The following BTNL9 variants were observed in gnomAD, a reference collection of about 807,000 sequenced individuals.
BTNL9 encodes the protein butyrophilin like 9, also known as butyrophilin-like protein 9.
A neutral mutation model predicts 45.8 loss-of-function variants in BTNL9; 45 were observed. The ratio of observed to expected loss-of-function variants is 0.98; its 90% CI spans 0.77 to 1.26. The LOEUF is 1.26. Ranked by LOEUF, BTNL9 falls within the 50% of genes most tolerant of loss-of-function variation. The pLI is 0.00. For missense variants in BTNL9, 784 were observed against 729.7 expected (o/e 1.07, Z -0.86); for synonymous variants, 346 against 330.8 (o/e 1.05, Z -0.50).
Position 181,053,742 on chromosome 5 carries a change from G to A in BTNL9, c.886+241G>A, listed in dbSNP as rs1761713021. 2.6e-6 allele frequency: 4 copies of A among 1,513,260 alleles called. No homozygotes were observed. In the Admixed American group the frequency reaches 6.2e-5, roughly 23 times the overall value. The allele number at this position is 1,513,260 out of a possible 1,614,324, so 93.7% of individuals were successfully genotyped here. On this transcript the variant is annotated intron_variant, in intron 6 of 10. Coordinates refer to ENST00000327705, the MANE Select transcript of BTNL9 (RefSeq NM_152547.5). This position sits in a 1 kb window ranked among gnomAD's most constrained non-coding sequence, Gnocchi z 6.5. ...AGTGCACAGATGTCAGGGTTGACCG[G>A]CTGCTGTCGTTACGCCCTCGGAGCT... is the stretch of plus-strand genomic sequence containing the variant.
chr5:181,053,336 G>A lies in BTNL9; in HGVS notation c.853+20G>A. 6 of 1,523,928 alleles carry A rather than the reference G, an allele frequency of 3.9e-6. No homozygotes were observed. The highest frequency in any genetic ancestry group is 5.3e-6 in the Non-Finnish European group (6 of 1,135,898). 94.4% of individuals were successfully genotyped at this position (1,523,928 alleles called of 1,614,324 possible). A position where few individuals can be genotyped will look rare whatever the true frequency, so the allele number is the denominator to read the frequency against. On this transcript the variant is annotated intron_variant, in intron 5 of 10. Coordinates refer to ENST00000327705, the MANE Select transcript of BTNL9 (RefSeq NM_152547.5). The surrounding 1 kb of genome is among the most constrained non-coding windows in gnomAD (Gnocchi z 6.5). ...GCCGAGGTACCGGCGCGGGCGGCGG[G>A]GCGGGGAGGGGCACCGGCCGGTGCT...
At position 181,042,767 on chromosome 5, in the gene BTNL9, C is replaced by T. The variant is rs78056913; in HGVS notation, c.-24+2335C>T. ...TTTAAATTTTGTATTCATTAGTTGGCTGGTTGGCTGGTTTTGTGGCTGGCA... is the reference window on the plus strand; with the variant it reads ...TTTAAATTTTGTATTCATTAGTTGGTTGGTTGGCTGGTTTTGTGGCTGGCA... On this transcript the variant is annotated intron_variant, in intron 1 of 10. Transcript: ENST00000327705. This position sits in a 1 kb window ranked among gnomAD's most constrained non-coding sequence, Gnocchi z 4.5. Among the ~76,000 whole-genome samples the T allele has an allele frequency of 0.015, 2,232 of 152,224 alleles. 57 individuals are homozygous for T. Among genetic ancestry groups the T allele is most frequent in the African/African-American group, 0.051 (2,112 of 41,514 alleles).
chr5:181,048,784 A>C (rs1561978892), intron 3 of BTNL9, among the ~76,000 whole-genome samples: 1 of 102,040 alleles, frequency 9.8e-6, no homozygotes, highest in African/African-American at 4.0e-5. Flanking sequence ...GCTATATATT[A>C]ATTATATAGT....
At chr5:181,052,948 A>T in intron 4 of BTNL9, 1 of 130,684 alleles carries the variant, frequency 7.7e-6, no homozygotes, top group Non-Finnish European at 1.6e-5. Context: ...CTGCGGCCGC[A>T]GAAGCCTCGA....
intron 2 of BTNL9, among the ~76,000 whole-genome samples, chr5:181,046,683 G>A (rs559675507): frequency 4.7e-5 from 7 of 150,014 alleles, no homozygotes; most frequent in African/African-American, 7.4e-5. Flanking sequence ...GAGAGAGAGC[G>A]AGAGAGAGAG....
chr5:181,059,161 G>A lies in BTNL9; in HGVS notation c.983-76G>A, dbSNP rs1400732835. 3 of 1,413,788 alleles carry A rather than the reference G, an allele frequency of 2.1e-6. No individual in the cohort carries two copies. In the East Asian group the frequency reaches 8.6e-5, roughly 41 times the overall value. The allele number at this position is 1,413,788 out of a possible 1,614,324, so 87.6% of individuals were successfully genotyped here. ...ATTATTCCACCAAGAGAAACGAGAGGTTTGTCCGCCTTGGGGAAGACACGG... is the reference window on the plus strand; with the variant it reads ...ATTATTCCACCAAGAGAAACGAGAGATTTGTCCGCCTTGGGGAAGACACGG... On this transcript the variant is annotated intron_variant, in intron 10 of 10. Transcript: ENST00000327705.
intron 4 of BTNL9, among the ~76,000 whole-genome samples, chr5:181,051,637 GCTCT>G (rs776238493): frequency 7.9e-5 from 12 of 152,138 alleles, no homozygotes; most frequent in Non-Finnish European, 1.3e-4. Flanking sequence ...CCACGGCAGT[GCTCT>G]CTCTTTTATG....
chr5:181,055,120 A>G lies in BTNL9; in HGVS notation c.908-313A>G, dbSNP rs1193769929. 1 of 1,162,758 alleles carries G rather than the reference A, an allele frequency of 8.6e-7. No homozygotes were observed. Among genetic ancestry groups the G allele is most frequent in the Non-Finnish European group, 1.1e-6 (1 of 942,248 alleles). 72.0% of individuals were successfully genotyped at this position (1,162,758 alleles called of 1,614,324 possible). ...ACTTAGGCGGGAGCTCCGCCCCAGG[A>G]AGCTTGTGATTTCAGGCAGAAGGAA... On this transcript the variant is annotated intron_variant, in intron 7 of 10. Transcript: ENST00000327705. This position sits in a 1 kb window ranked among gnomAD's most constrained non-coding sequence, Gnocchi z 4.4.
chr5:181,053,162 G>T lies in BTNL9; in HGVS notation c.737-38G>T. On this transcript the variant is annotated intron_variant, in intron 4 of 10. Transcript: ENST00000327705. This position sits in a 1 kb window ranked among gnomAD's most constrained non-coding sequence, Gnocchi z 6.5. ...CGGTCTCGCCTCTCGGTGCTCAGCGGCGCCTGGACCGACACGGCCCCCGCG... is the reference window on the plus strand; with the variant it reads ...CGGTCTCGCCTCTCGGTGCTCAGCGTCGCCTGGACCGACACGGCCCCCGCG... 1.3e-6 allele frequency: 2 copies of T among 1,526,212 alleles called. No homozygotes were observed. The highest frequency in any genetic ancestry group is 8.9e-7 in the Non-Finnish European group (1 of 1,127,188). 94.5% of individuals were successfully genotyped at this position (1,526,212 alleles called of 1,614,324 possible).
At chr5:181,048,412 G>T in intron 3 of BTNL9, 141 bp downstream of exon 3, 1 of 792,830 alleles carries the variant, frequency 1.3e-6, no homozygotes, top group South Asian at 2.0e-5. Context: ...ATTCTCAAAT[G>T]AACAAACAAA....
chr5:181,044,947 A>G (rs1405563474), intron 1 of BTNL9, among the ~76,000 whole-genome samples: 1 of 152,140 alleles, frequency 6.6e-6, no homozygotes, highest in African/African-American at 2.4e-5. Context: ...AGCCACCTGC[A>G]TGCACTCCAC....
At position 181,059,253 on chromosome 5, in the gene BTNL9, C is replaced by A; in HGVS notation, c.999C>A (p.Asp333Glu). Residue 333 changes from aspartate (D) to glutamate (E), a missense_variant, in exon 11 of 11, where the codon GAC (aspartate) becomes GAA (glutamate). Coordinates refer to ENST00000327705, the MANE Select transcript of BTNL9 (RefSeq NM_152547.5). ...AQKYAVDVTL[D>E]PASAHPSLEV... is the part of the protein sequence containing the mutation. ...TCTGCGCAGTGGATGTGACGCTGGA[C>A]CCGGCCTCGGCGCACCCCAGCCTGG... The A allele has an allele frequency of 6.4e-7, 1 of 1,562,388 alleles. No individual in the cohort carries two copies. Among genetic ancestry groups the A allele is most frequent in the Non-Finnish European group, 8.6e-7 (1 of 1,163,648 alleles).
intron 10 of BTNL9, among the ~76,000 whole-genome samples, chr5:181,058,701 C>G (rs1762005517): frequency 6.6e-6 from 1 of 151,988 alleles, no homozygotes; most frequent in Non-Finnish European, 1.5e-5. Flanking sequence ...GAAGGGGTCC[C>G]CTAGGTTCCC....
chr5:181,052,604 G>C (rs569463006), intron 4 of BTNL9, among the ~76,000 whole-genome samples: 1 of 152,230 alleles, frequency 6.6e-6, no homozygotes, highest in East Asian at 1.9e-4. Flanking sequence ...GGTTTGCGAA[G>C]GGCCGGTGGG....
In BTNL9 at chr5:181,055,821, A is replaced by G. The variant is rs1400002868; in HGVS notation, c.929-168A>G. The G allele has an allele frequency of 1.3e-6, 1 of 792,486 alleles. No individual in the cohort carries two copies. Among genetic ancestry groups the G allele is most frequent in the Non-Finnish European group, 2.3e-6 (1 of 438,858 alleles). The allele number at this position is 792,486 out of a possible 1,614,324, so 49.1% of individuals were successfully genotyped here. The stretch of plus-strand genomic sequence containing the variant: ...TTCATCATTTTGCATCTGATTCCCC[A>G]TATATCTTCTTCTCATCTCCCAACC... On this transcript the variant is annotated intron_variant, in intron 8 of 10. Transcript: ENST00000327705. The surrounding 1 kb of genome is among the most constrained non-coding windows in gnomAD (Gnocchi z 4.4).
At chr5:181,054,134 A>T in intron 6 of BTNL9, 105 bp from the exon 7 acceptor site, 1 of 1,571,612 alleles carries the variant, frequency 6.4e-7, no homozygotes, top group Non-Finnish European at 8.6e-7. Flanking sequence ...GGAGTGCCGC[A>T]TCGGAGGTGA....
chr5:181,052,218 GAC>G (rs1002053199), intron 4 of BTNL9, among the ~76,000 whole-genome samples: 10 of 152,206 alleles, frequency 6.6e-5, no homozygotes, highest in Non-Finnish European at 1.3e-4. Context: ...TTATAAGCCA[GAC>G]ACACAGAACA....
intron 3 of BTNL9, among the ~76,000 whole-genome samples, chr5:181,048,833 T>A (rs1385932948): frequency 7.1e-6 from 1 of 139,900 alleles, no homozygotes; most frequent in African/African-American, 2.7e-5. Context: ...TAATATTATA[T>A]AATTATATTA....
rs754454500 is a variant in BTNL9, at chr5:181,050,173, C to T, written c.540C>T (p.Pro180=). Residue 180 remains proline (P), a synonymous_variant, in exon 4 of 11, where the codon CCC becomes CCT. Coordinates refer to ENST00000327705, the MANE Select transcript of BTNL9 (RefSeq NM_152547.5). The surrounding 1 kb of genome is among the most constrained non-coding windows in gnomAD (Gnocchi z 4.9). ...QLRLRSSGWY[P]KPKVQWRDHQ... Reference sequence around the variant, plus strand: ...GGCTCAGATCCAGTGGCTGGTACCCCAAGCCTAAGGTTCAGTGGAGAGACC... The same window carrying T: ...GGCTCAGATCCAGTGGCTGGTACCCTAAGCCTAAGGTTCAGTGGAGAGACC... The T allele has an allele frequency of 1.2e-6, 2 of 1,613,946 alleles. No homozygotes were observed. The highest frequency in any genetic ancestry group is 4.5e-5 in the East Asian group (2 of 44,896).
Sources: allele counts gnomAD v4.1 joint callset (sites outside exome capture counted in the v4.1 genomes callset), GRCh38; gene constraint gnomAD v4.1.1; non-coding constraint Gnocchi (gnomAD v3.1); transcripts MANE v1.5; gene names NCBI Gene and HGNC (gene_info 2026-07-23, HGNC 2026-07-21).